Variants in EML1 observed in about 807,000 individuals in gnomAD.
EML1 encodes the protein echinoderm microtubule-associated protein-like 1.
Under a neutral mutation model 110.4 loss-of-function variants are expected in EML1, and 27 were observed. The observed-to-expected ratio is 0.24, with a 90% CI of 0.18 to 0.34. The LOEUF (loss-of-function observed/expected upper bound fraction) is 0.34, where lower values mean the gene tolerates loss of function less well. EML1 is among the 10% of genes least tolerant of loss of function. The pLI is 1.00. For missense variants in EML1, 741 were observed against 1,030.9 expected (o/e 0.72, Z 3.85); for synonymous variants, 344 against 385.8 (o/e 0.89, Z 1.27).
At chr14:99,833,277 A>G (rs563888550) in intron 1 of EML1, among the ~76,000 whole-genome samples, 7 of 152,296 alleles carry the variant, frequency 4.6e-5, no homozygotes, top group African/African-American at 1.7e-4. Flanking sequence ...TCTTTTCTCT[A>G]CTGAATTGCC....
chr14:99,805,765 T>C (rs954211353), intron 1 of EML1, among the ~76,000 whole-genome samples: 6 of 152,048 alleles, frequency 3.9e-5, no homozygotes, highest in African/African-American at 1.4e-4. Flanking sequence ...CATGAGCCAC[T>C]ACACCCAGCC....
intron 3 of EML1, chr14:99,874,848 G>T: frequency 1.5e-6 from 2 of 1,335,608 alleles, no homozygotes; most frequent in Non-Finnish European, 1.0e-6. Context: ...GCAATTTACT[G>T]AAGCTTATCA....
rs141895589 is a variant in EML1, at chr14:99,739,411, A to C, written c.28+1551A>C. Among the ~76,000 whole-genome samples the C allele has an allele frequency of 4.1e-3, 619 of 152,244 alleles. 6 individuals carry two copies. The highest frequency in any genetic ancestry group is 0.014 in the African/African-American group (583 of 41,548). ...TGGGTATTTCAGGAAGGCCAGGACA[A>C]TATTTAGCCCGTCGGAGCAAAGGAA... On this transcript the variant is annotated intron_variant, in intron 1 of 10. Transcript: ENST00000554479.
chr14:99,741,377 C>A (rs538948575), intron 1 of EML1, among the ~76,000 whole-genome samples: 1 of 152,062 alleles, frequency 6.6e-6, no homozygotes, highest in South Asian at 2.1e-4. Flanking sequence ...GTTGTTCCCC[C>A]GTCTTTATCA....
At chr14:99,894,009 A>G (rs889943325) in intron 5 of EML1, among the ~76,000 whole-genome samples, 1 of 152,138 alleles carries the variant, frequency 6.6e-6, no homozygotes, top group African/African-American at 2.4e-5. Flanking sequence ...AGAGTTTTGC[A>G]TCCTGATTTC....
At chr14:99,865,993 G>A (rs2059090993) in intron 3 of EML1, among the ~76,000 whole-genome samples, 2 of 152,184 alleles carry the variant, frequency 1.3e-5, no homozygotes, top group Non-Finnish European at 2.9e-5. Context: ...AATTCAGATT[G>A]CCATAGCAAC....
At chr14:99,797,414 A>G (rs933581891) in intron 1 of EML1, among the ~76,000 whole-genome samples, 2 of 152,180 alleles carry the variant, frequency 1.3e-5, no homozygotes, top group Non-Finnish European at 2.9e-5. Flanking sequence ...GGGCACTCAC[A>G]TGCACATTTT....
intron 17 of EML1, among the ~76,000 whole-genome samples, chr14:99,930,594 C>G (rs971051371): frequency 1.7e-4 from 26 of 152,192 alleles, no homozygotes; most frequent in Non-Finnish European, 1.5e-4. Flanking sequence ...CACAACCAGT[C>G]AGCTAAGTGT....
Position 99,939,383 on chromosome 14 carries a change from C to T in EML1, c.2322+56C>T, listed in dbSNP as rs956227115. On this transcript the variant is annotated intron_variant, in intron 21 of 21. Coordinates refer to ENST00000262233, the MANE Select transcript of EML1 (RefSeq NM_004434.3). The surrounding 1 kb of genome is among the most constrained non-coding windows in gnomAD (Gnocchi z 4.2). ...CCCCCATGGGGCATGCACGTACACC[C>T]GACCTGTTTGGAGACTAAGTGGAAA... The T allele has an allele frequency of 1.8e-5, 29 of 1,600,040 alleles. No homozygotes were observed. The highest frequency in any genetic ancestry group is 1.2e-4 in the African/African-American group (9 of 74,602).
chr14:99,883,672 G>A (rs2059426811), intron 4 of EML1: 1 of 152,184 alleles, frequency 6.6e-6, no homozygotes, highest in Non-Finnish European at 1.5e-5. Context: ...TATGAGTGTA[G>A]TGTATAATTT....
intron 1 of EML1, among the ~76,000 whole-genome samples, chr14:99,812,664 T>C (rs1595324870): frequency 6.6e-6 from 1 of 151,708 alleles, no homozygotes; most frequent in Non-Finnish European, 1.5e-5. Context: ...TGGAAGCAGG[T>C]GGGGTAGGGA....
At chr14:99,776,268 A>G (rs996749274) in intron 1 of EML1, among the ~76,000 whole-genome samples, 1 of 152,178 alleles carries the variant, frequency 6.6e-6, no homozygotes, top group South Asian at 2.1e-4. Context: ...GGGGAGGCCA[A>G]ATCAGGTGGA....
At chr14:99,766,151 C>A (rs1354938404) in intron 1 of EML1, among the ~76,000 whole-genome samples, 1 of 146,358 alleles carries the variant, frequency 6.8e-6, no homozygotes, top group African/African-American at 2.5e-5. Context: ...TGGGGGTAGA[C>A]TCAGAAGTGC....
At chr14:99,768,195 A>G (rs949838771), upstream of EML1, among the ~76,000 whole-genome samples, 2 of 152,262 alleles carry the variant, frequency 1.3e-5, no homozygotes, top group Non-Finnish European at 2.9e-5. Context: ...CTTCGAAAGC[A>G]TAAAGGTGTG....
chr14:99,784,821 C>T lies in EML1; in HGVS notation c.-27+10808C>T, dbSNP rs1487577041. On this transcript the variant is annotated intron_variant, in intron 1 of 22. Transcript: ENST00000327921. The surrounding 1 kb of genome is among the most constrained non-coding windows in gnomAD (Gnocchi z 4.5). ...TAGAACTGCATCCCTGTGTGAGGCTCCCAGCCAGGGGCATGGCCAAGGAGC... is the reference window on the plus strand; with the variant it reads ...TAGAACTGCATCCCTGTGTGAGGCTTCCAGCCAGGGGCATGGCCAAGGAGC... Among the ~76,000 whole-genome samples the T allele has an allele frequency of 6.6e-6, 1 of 152,204 alleles. No homozygotes were observed. The highest frequency in any genetic ancestry group is 6.5e-5 in the Admixed American group (1 of 15,284).
At chr14:99,894,843 A>G in intron 6 of EML1, 85 bp downstream of exon 6, 4 of 1,456,122 alleles carry the variant, frequency 2.7e-6, no homozygotes, top group South Asian at 3.1e-5. Flanking sequence ...CATAAAACTT[A>G]AGTCCTCTTA....
intron 17 of EML1, among the ~76,000 whole-genome samples, chr14:99,923,629 C>T (rs536353040): frequency 4.3e-5 from 3 of 70,404 alleles, no homozygotes; most frequent in African/African-American, 2.7e-4. Flanking sequence ...TTTCCGGATA[C>T]TCAGTTCTGC....
intron 4 of EML1, among the ~76,000 whole-genome samples, chr14:99,886,379 G>A (rs2139967026): frequency 6.6e-6 from 1 of 152,290 alleles, no homozygotes; most frequent in African/African-American, 2.4e-5. Context: ...ATACTTGGGA[G>A]GCTGAGGTGA....
chr14:99,843,264 T>A (rs917911144), intron 1 of EML1, among the ~76,000 whole-genome samples: 9 of 152,080 alleles, frequency 5.9e-5, no homozygotes, highest in African/African-American at 2.2e-4. Context: ...AGAAAAAAAA[T>A]AAATGCATGA....
Sources: allele counts gnomAD v4.1 joint callset (sites outside exome capture counted in the v4.1 genomes callset), GRCh38; gene constraint gnomAD v4.1.1; non-coding constraint Gnocchi (gnomAD v3.1); transcripts MANE v1.5; gene names NCBI Gene and HGNC (gene_info 2026-07-23, HGNC 2026-07-21).